The following OR52A1 variants were observed in gnomAD, a reference collection of about 807,000 sequenced individuals.
OR52A1 encodes the protein olfactory receptor 52A1.
A neutral mutation model predicts 14.3 loss-of-function variants in OR52A1; 14 were observed. The observed-to-expected ratio is 0.98, with a 90% CI of 0.65 to 1.54. The LOEUF (loss-of-function observed/expected upper bound fraction) is 1.54. OR52A1 is among the 40% of genes most tolerant of loss of function. The pLI is 0.00. For missense variants in OR52A1, 405 were observed against 381.3 expected, an observed-to-expected ratio of 1.06 and a Z score of -0.52; for synonymous variants, 151 against 135.3, an observed-to-expected ratio of 1.12 and a Z score of -0.80.
intron 1 of OR52A1, 88 bp downstream of exon 1, chr11:5,154,359 C>A (rs986181855): frequency 6.6e-6 from 1 of 152,052 alleles, no homozygotes; most frequent in Non-Finnish European, 1.5e-5. Context: ...AGACTTACTC[C>A]TCAATTATTA....
chr11:5,147,744 G>A lies in OR52A1; in HGVS notation c.*3687C>T, dbSNP rs926466398. 1.3e-5 allele frequency: 2 copies of A among 151,514 alleles called. No individual in the cohort carries two copies. Among genetic ancestry groups the A allele is most frequent in the African/African-American group, 4.9e-5 (2 of 41,220 alleles). 9.4% of individuals were successfully genotyped at this position (151,514 alleles called of 1,614,324 possible). A position where few individuals can be genotyped will look rare whatever the true frequency, so the allele number is the denominator to read the frequency against. On this transcript the variant is annotated 3_prime_UTR_variant, in exon 2 of 2. Transcript: ENST00000380367. ...GAATCCTTATTAATACAAATTCTGA[G>A]CAATTTTAGAAATTATAAATAGATG... is the stretch of plus-strand genomic sequence containing the variant.
rs1171627636 is a variant in OR52A1, at chr11:5,151,465, A to G, written c.905T>C (p.Ile302Thr). ...GAACATTTTTACCACATGAATGCGA[A>G]TCTGTGTGGTCTTTGCACCATAGAC... ...PLVYGAKTTQ[I>T]RIHVVKMFCS The change falls in exon 2 of 2, where the codon ATT becomes ACT. Residue 302 changes from isoleucine (I) to threonine (T), a missense_variant. Transcript: ENST00000380367. The G allele has an allele frequency of 6.2e-7, 1 of 1,612,152 alleles. No individual in the cohort carries two copies. The highest frequency in any genetic ancestry group is 2.2e-5 in the East Asian group (1 of 44,894).
Position 5,151,305 on chromosome 11 carries a change from T to C in OR52A1, c.*126A>G, listed in dbSNP as rs1846536407. 2 of 762,742 alleles carry C rather than the reference T, an allele frequency of 2.6e-6. No individual in the cohort carries two copies. The highest frequency in any genetic ancestry group is 3.9e-4 in the Middle Eastern group (1 of 2,552). 47.2% of individuals were successfully genotyped at this position (762,742 alleles called of 1,614,324 possible). On this transcript the variant is annotated 3_prime_UTR_variant, in exon 2 of 2. Transcript: ENST00000380367. ...CTGATTGATATGAGCCATGATGATCTAAAACCAGCTATTGTGCTGGCAGAT... is the reference window on the plus strand; with the variant it reads ...CTGATTGATATGAGCCATGATGATCCAAAACCAGCTATTGTGCTGGCAGAT...
rs1846554753 is a variant in OR52A1 at position 5,152,247 on chromosome 11, C to G, written c.123G>C (p.Met41Ile). The change falls in exon 2 of 2, where the codon ATG (methionine) becomes ATC (isoleucine). Residue 41 changes from methionine to isoleucine, a missense_variant. Physicochemically the swap from Met to Ile is conservative, Grantham distance 10. Coordinates refer to ENST00000380367, the MANE Select transcript of OR52A1 (RefSeq NM_012375.3). ...TGCTCAGAAGCAAGGAATTTCCAAT[C>G]ATAGCAATGAGATAAATGGCACAGA... ...IPFCAIYLIA[M>I]IGNSLLLSII... 3.7e-6 allele frequency: 6 copies of G among 1,614,122 alleles called. No homozygotes were observed. Among genetic ancestry groups the G allele is most frequent in the Non-Finnish European group, 5.1e-6 (6 of 1,180,006 alleles).
chr11:5,154,255 G>T (rs1846584151), intron 1 of OR52A1, among the ~76,000 whole-genome samples, 192 bp downstream of exon 1: 2 of 152,172 alleles, frequency 1.3e-5, no homozygotes, highest in Non-Finnish European at 1.5e-5. Flanking sequence ...AGGGTTGCAG[G>T]TGGTGGTGTA....
rs1846557620 is a variant in OR52A1, at chr11:5,152,347, A to T, written c.23T>A (p.Val8Asp). MSISNIT[V>D]YMPSVLTLVG... is the part of the protein sequence containing the mutation. ...TAGTGTCAACACAGAGGGCATGTAG[A>T]CTGTGATGTTGGAAATGGACATAGT... Residue 8 changes from valine to aspartate, a missense_variant, in exon 2 of 2, where the codon GTC becomes GAC. Physicochemically the swap from Val to Asp is radical, Grantham distance 152 (BLOSUM62 -3). Transcript: ENST00000380367. 1 of 1,602,026 alleles carries T rather than the reference A, an allele frequency of 6.2e-7. No individual in the cohort carries two copies.
rs1023888651 is a variant in OR52A1 at position 5,150,128 on chromosome 11, G to A, written c.*1303C>T. On this transcript the variant is annotated 3_prime_UTR_variant, in exon 2 of 2. Transcript: ENST00000380367. ...GTAAATTCTTATGCCACTAATTTTAGACAATATAGTCCTCCTCTTCACTAA... is the reference window on the plus strand; with the variant it reads ...GTAAATTCTTATGCCACTAATTTTAAACAATATAGTCCTCCTCTTCACTAA... 6.6e-5 allele frequency: 10 copies of A among 151,700 alleles called. No individual in the cohort carries two copies. Among genetic ancestry groups the A allele is most frequent in the African/African-American group, 1.9e-4 (8 of 41,270 alleles). 9.4% of individuals were successfully genotyped at this position (151,700 alleles called of 1,614,324 possible).
rs1415875460 is a variant in OR52A1 at position 5,151,487 on chromosome 11, A to AG, written c.882dup (p.Tyr295LeufsTer47). On this transcript the variant is annotated frameshift_variant, in exon 2 of 2. Coordinates refer to ENST00000380367, the MANE Select transcript of OR52A1 (RefSeq NM_012375.3). LOFTEE classifies it high-confidence loss of function. ...CGAATCTGTGTGGTCTTTGCACCATAGACAAGTGGATTGAGAAATGGAGGG... is the reference window on the plus strand; with the variant it reads ...CGAATCTGTGTGGTCTTTGCACCATAGGACAAGTGGATTGAGAAATGGAGGG... 1.1e-5 allele frequency: 18 copies of AG among 1,613,990 alleles called. No homozygotes were observed. The highest frequency in any genetic ancestry group is 1.5e-5 in the Non-Finnish European group (18 of 1,179,978).
intron 1 of OR52A1, among the ~76,000 whole-genome samples, chr11:5,153,597 T>C (rs1202338044): frequency 6.6e-6 from 1 of 152,174 alleles, no homozygotes; most frequent in Non-Finnish European, 1.5e-5. Flanking sequence ...CTGATCAAAA[T>C]AGTTATTTTC....
chr11:5,153,338 T>C (rs1846571002), intron 1 of OR52A1, among the ~76,000 whole-genome samples: 1 of 152,180 alleles, frequency 6.6e-6, no homozygotes, highest in African/African-American at 2.4e-5. Context: ...CTTAATGAAA[T>C]ATAGGTGAGA....
At position 5,152,677 on chromosome 11, in the gene OR52A1, A is replaced by G. The variant is rs568772029; in HGVS notation, c.-308T>C. The G allele has an allele frequency of 3.8e-6, 1 of 261,108 alleles. No homozygotes were observed. Among genetic ancestry groups the G allele is most frequent in the African/African-American group, 2.2e-5 (1 of 44,538 alleles). The allele number at this position is 261,108 out of a possible 1,614,324, so 16.2% of individuals were successfully genotyped here. On this transcript the variant is annotated 5_prime_UTR_variant, in exon 2 of 2. An upstream open reading frame in the 5' UTR loses its in-frame stop. Coordinates refer to ENST00000380367, the MANE Select transcript of OR52A1 (RefSeq NM_012375.3). ...GGATTGGACTACTGGCCAGTCTGTT[A>G]TTTCTTTCCAGACCTGTGGACAAAA... is the stretch of plus-strand genomic sequence containing the variant.
chr11:5,152,138 T>C lies in OR52A1; in HGVS notation c.232A>G (p.Ser78Gly), dbSNP rs1419474527. 1.9e-6 allele frequency: 3 copies of C among 1,613,948 alleles called. No individual in the cohort carries two copies. The South Asian group carries it at 3.3e-5, about 18-fold the overall frequency. ...ATTCCAAGCATCTTTGGCATAATGC[T>C]GCTAGCAAGTGCAATGTCTGTGGCT... ...LGATDIALASSIMPKMLGIFW... is the reference protein window; with the variant it reads ...LGATDIALASGIMPKMLGIFW... The change falls in exon 2 of 2, where the codon AGC becomes GGC. Residue 78 changes from serine (S) to glycine (G), a missense_variant. Ser to Gly is a moderately conservative substitution (Grantham distance 56). Coordinates refer to ENST00000380367, the MANE Select transcript of OR52A1 (RefSeq NM_012375.3).
rs1315914892 is a variant in OR52A1 at position 5,151,032 on chromosome 11, G to A, written c.*399C>T. The A allele has an allele frequency of 6.4e-6, 1 of 156,494 alleles. No individual in the cohort carries two copies. The highest frequency in any genetic ancestry group is 1.4e-5 in the Non-Finnish European group (1 of 71,202). The allele number at this position is 156,494 out of a possible 1,614,324, so 9.7% of individuals were successfully genotyped here. On this transcript the variant is annotated 3_prime_UTR_variant, in exon 2 of 2. Transcript: ENST00000380367. ...CCTTTGATTTTTTTTTTTAAGGCAG[G>A]GATGATCAAGAAAATGAGAGTCAAC...
chr11:5,148,426 C>A lies in OR52A1; in HGVS notation c.*3005G>T, dbSNP rs1041030816. On this transcript the variant is annotated 3_prime_UTR_variant, in exon 2 of 2. Transcript: ENST00000380367. ...TATTTTTGGTAGAGATGGGGTTTCA[C>A]CATCTTGGCCAGGCTGGTCTTGAAC... 1 of 152,078 alleles carries A rather than the reference C, an allele frequency of 6.6e-6. No homozygotes were observed. Among genetic ancestry groups the A allele is most frequent in the Non-Finnish European group, 1.5e-5 (1 of 68,050 alleles). The allele number at this position is 152,078 out of a possible 1,614,324, so 9.4% of individuals were successfully genotyped here. A position where few individuals can be genotyped will look rare whatever the true frequency, so the allele number is the denominator to read the frequency against.
rs952202130 is a variant in OR52A1 at position 5,148,087 on chromosome 11, A to G, written c.*3344T>C. The G allele has an allele frequency of 2.6e-4, 40 of 152,202 alleles. No individual in the cohort carries two copies. Among genetic ancestry groups the G allele is most frequent in the African/African-American group, 8.7e-4 (36 of 41,444 alleles). 9.4% of individuals were successfully genotyped at this position (152,202 alleles called of 1,614,324 possible). On this transcript the variant is annotated 3_prime_UTR_variant, in exon 2 of 2. Coordinates refer to ENST00000380367, the MANE Select transcript of OR52A1 (RefSeq NM_012375.3). ...ATTGAAATGGAGACCGCTTAGGAATATCAGCATAGAAGGCTTGTTGCCAAA... is the reference window on the plus strand; with the variant it reads ...ATTGAAATGGAGACCGCTTAGGAATGTCAGCATAGAAGGCTTGTTGCCAAA...
intron 1 of OR52A1, among the ~76,000 whole-genome samples, chr11:5,153,608 TA>T (rs1846574641): frequency 6.6e-6 from 1 of 152,186 alleles, no homozygotes; most frequent in African/African-American, 2.4e-5. Context: ...AGTTATTTTC[TA>T]AAAATTACAT....
chr11:5,151,362 T>C lies in OR52A1; in HGVS notation c.*69A>G. 7.8e-7 allele frequency: 1 copy of C among 1,289,456 alleles called. No individual in the cohort carries two copies. Among genetic ancestry groups the C allele is most frequent in the Middle Eastern group, 2.1e-4 (1 of 4,794 alleles). 79.9% of individuals were successfully genotyped at this position (1,289,456 alleles called of 1,614,324 possible). On this transcript the variant is annotated 3_prime_UTR_variant, in exon 2 of 2. Coordinates refer to ENST00000380367, the MANE Select transcript of OR52A1 (RefSeq NM_012375.3). ...AACCCAGCATCTCAAATAATATGTT[T>C]TTTGTTTTGTTTTGATATGGTTACT...
In OR52A1 at chr11:5,148,020, C is replaced by T. The variant is rs1262338272; in HGVS notation, c.*3411G>A. On this transcript the variant is annotated 3_prime_UTR_variant, in exon 2 of 2. Transcript: ENST00000380367. ...TGCTAACCAAATCTCAAAAGGTCGT[C>T]CATTTAACAATAAATTGAGGGTAAT... The T allele has an allele frequency of 6.6e-6, 1 of 151,940 alleles. No individual in the cohort carries two copies. Among genetic ancestry groups the T allele is most frequent in the Non-Finnish European group, 1.5e-5 (1 of 67,998 alleles). 9.4% of individuals were successfully genotyped at this position (151,940 alleles called of 1,614,324 possible).
chr11:5,153,943 C>G (rs1343546991), intron 1 of OR52A1, among the ~76,000 whole-genome samples: 2 of 150,350 alleles, frequency 1.3e-5, no homozygotes, highest in Non-Finnish European at 2.9e-5. Context: ...TGCTAAACTT[C>G]AAATGAAAGA....
Sources: gnomAD v4.1 joint callset for allele counts (sites outside exome capture counted in the v4.1 genomes callset) on GRCh38, gnomAD v4.1.1 for gene constraint, MANE v1.5 for transcripts, NCBI Gene and HGNC (gene_info 2026-07-23, HGNC 2026-07-21) for gene names.